Variants in PI4KA observed in about 807,000 individuals in gnomAD.
PI4KA encodes PI4-kinase alpha.
A neutral mutation model predicts 271.4 loss-of-function variants in PI4KA; 122 were observed. The observed-to-expected ratio is 0.45, with a 90% CI of 0.39 to 0.52. The LOEUF (loss-of-function observed/expected upper bound fraction) is 0.52, where lower values mean the gene tolerates loss of function less well. PI4KA is among the 20% of genes least tolerant of loss of function. The pLI is 0.00. For missense variants in PI4KA, 1,969 were observed against 2,769.1 expected (o/e 0.71, Z 6.48); for synonymous variants, 1,041 against 1,078.8 (o/e 0.96, Z 0.69).
chr22:20,795,874 G>A lies in PI4KA; in HGVS notation c.2277+272C>T, dbSNP rs75884406. 9.5e-3 allele frequency among the ~76,000 whole-genome samples: 1,451 copies of A among 152,236 alleles called. 12 individuals are homozygous for A. The highest frequency in any genetic ancestry group is 0.061 in the Middle Eastern group (18 of 294). On this transcript the variant is annotated intron_variant, in intron 18 of 54. Coordinates refer to ENST00000255882, the MANE Select transcript of PI4KA (RefSeq NM_058004.4). ...GGACAGAGAGAGGTGCCCGTGGGGA[G>A]CTGAGGCTAGACTGTTGTCATGTCA...
At chr22:20,803,435 G>A in intron 12 of PI4KA, 115 bp from the exon 13 acceptor site, 1 of 1,271,862 alleles carries the variant, frequency 7.9e-7, no homozygotes. Flanking sequence ...AACTTCGAAG[G>A]TCAAAGCTCC....
In PI4KA at chr22:20,726,506, C is replaced by T; in HGVS notation, c.4977G>A (p.Gln1659=). ...AILFYIPQIV[Q]ALRYDKMGYV... is the part of the protein sequence containing the mutation. ...GGCTTACCTTGTCGTACCTGAGGGC[C>T]TGCACAATCTGGGGGATGTAGAAGA... Residue 1659 remains glutamine, a synonymous_variant, in exon 42 of 55, where the codon CAG becomes CAA. Coordinates refer to ENST00000255882, the MANE Select transcript of PI4KA (RefSeq NM_058004.4). 1 of 1,577,262 alleles carries T rather than the reference C, an allele frequency of 6.3e-7. No individual in the cohort carries two copies. Among genetic ancestry groups the T allele is most frequent in the Non-Finnish European group, 8.6e-7 (1 of 1,166,296 alleles).
chr22:20,776,696 C>T (rs1416562527), intron 19 of PI4KA, among the ~76,000 whole-genome samples: 2 of 152,084 alleles, frequency 1.3e-5, no homozygotes, highest in South Asian at 2.1e-4. Flanking sequence ...CAACTTGGTT[C>T]GAATCTAGCC....
rs143404217 is a variant in PI4KA, at chr22:20,732,861, G to T, written c.4288+110C>A. On this transcript the variant is annotated intron_variant, in intron 36 of 54. Transcript: ENST00000255882. ...GCAACACAGCCAAGGCCAGGGCTCA[G>T]GGGGGTCTAACTGCTTTTCCGTCCC... 5.6e-6 allele frequency: 7 copies of T among 1,249,188 alleles called. No homozygotes were observed. In the African/African-American group the frequency reaches 7.4e-5, roughly 13 times the overall value. The allele number at this position is 1,249,188 out of a possible 1,614,324, so 77.4% of individuals were successfully genotyped here. A position where few individuals can be genotyped will look rare whatever the true frequency, so the allele number is the denominator to read the frequency against.
intron 4 of PI4KA, among the ~76,000 whole-genome samples, chr22:20,823,898 C>T (rs556695869): frequency 6.6e-6 from 1 of 152,164 alleles, no homozygotes; most frequent in Admixed American, 6.5e-5. Context: ...CAAGATTGCA[C>T]CACTGCACTC....
chr22:20,811,918 G>A (rs1320848519), intron 8 of PI4KA, among the ~76,000 whole-genome samples: 1 of 151,138 alleles, frequency 6.6e-6, no homozygotes, highest in South Asian at 2.1e-4. Context: ...GAGGCTGAGG[G>A]AGGAGAATGG....
chr22:20,819,597 C>T, intron 6 of PI4KA, 44 bp downstream of exon 6: 1 of 1,570,266 alleles, frequency 6.4e-7, no homozygotes. Flanking sequence ...GGGAGCTTAA[C>T]AGGGTCTTTC....
Position 20,832,718 on chromosome 22 carries a change from G to C in PI4KA, c.367+1844C>G, listed in dbSNP as rs557648010. Reference sequence around the variant, plus strand: ...GATCTACCCACCTTGGCCTCCCAAAGTGCAGAGATTACAGGTGTGAGCCAC... The same window carrying C: ...GATCTACCCACCTTGGCCTCCCAAACTGCAGAGATTACAGGTGTGAGCCAC... On this transcript the variant is annotated intron_variant, in intron 3 of 54. Transcript: ENST00000255882. Among the ~76,000 whole-genome samples, 21 of 152,292 alleles carry C rather than the reference G, an allele frequency of 1.4e-4. No individual in the cohort carries two copies. In the East Asian group the frequency reaches 3.7e-3, roughly 27 times the overall value.
chr22:20,856,468 CTT>C (rs1014551167), intron 1 of PI4KA, among the ~76,000 whole-genome samples: 37 of 139,506 alleles, frequency 2.7e-4, no homozygotes, highest in Non-Finnish European at 4.7e-4. Context: ...CAGTTTTGCT[CTT>C]GTCACCCAGG....
In PI4KA at chr22:20,775,503, G is replaced by A. The variant is rs8138153; in HGVS notation, c.2329-9810C>T. Among the ~76,000 whole-genome samples, 1,288 of 152,274 alleles carry A rather than the reference G, an allele frequency of 8.5e-3. 13 individuals are homozygous for A. Among genetic ancestry groups the A allele is most frequent in the African/African-American group, 0.029 (1,197 of 41,542 alleles). On this transcript the variant is annotated intron_variant, in intron 19 of 54. Coordinates refer to ENST00000255882, the MANE Select transcript of PI4KA (RefSeq NM_058004.4). ...TCCAAATATAACTTCTGAATACCGG[G>A]ATAAAACATGCATGTCTTTACTCTG...
intron 32 of PI4KA, among the ~76,000 whole-genome samples, chr22:20,739,434 C>T (rs983320909): frequency 2.0e-5 from 3 of 148,244 alleles, no homozygotes; most frequent in African/African-American, 5.0e-5. Flanking sequence ...AGGAATTTGA[C>T]GTCAGCCTGG....
chr22:20,710,091 G>A (rs1925051119), intron 52 of PI4KA, 94 bp from the exon 53 acceptor site: 9 of 710,246 alleles, frequency 1.3e-5, no homozygotes, highest in Non-Finnish European at 2.3e-5. Context: ...AACAGCCTCA[G>A]GTGTGGGCTC....
intron 11 of PI4KA, among the ~76,000 whole-genome samples, chr22:20,804,632 C>T (rs921720356): frequency 6.6e-6 from 1 of 152,178 alleles, no homozygotes; most frequent in Non-Finnish European, 1.5e-5. Context: ...CCATTCTACT[C>T]CTCCCCCAGA....
intron 11 of PI4KA, 151 bp from the exon 12 acceptor site, chr22:20,804,551 ACACT>A: frequency 1.6e-6 from 1 of 644,574 alleles, no homozygotes; most frequent in Non-Finnish European, 2.8e-6. Context: ...ACAGTGTGTG[ACACT>A]CTCTCTCTCT....
At chr22:20,780,205 A>C in intron 19 of PI4KA, 1 of 1,614,242 alleles carries the variant, frequency 6.2e-7, no homozygotes, top group Non-Finnish European at 8.5e-7. Flanking sequence ...TTCAAAGGTA[A>C]GAGGCACCTT....
At chr22:20,789,734 A>T (rs1016018258) in intron 19 of PI4KA, among the ~76,000 whole-genome samples, 1 of 152,214 alleles carries the variant, frequency 6.6e-6, no homozygotes, top group Non-Finnish European at 1.5e-5. Flanking sequence ...TTAACTGGGG[A>T]GCCTTGGGTA....
chr22:20,847,930 G>A (rs1430836489), intron 1 of PI4KA, among the ~76,000 whole-genome samples: 1 of 151,998 alleles, frequency 6.6e-6, no homozygotes, highest in Admixed American at 6.6e-5. Context: ...GATCAAAACA[G>A]TTACTATTGT....
At chr22:20,763,111 G>C (rs1932167179) in intron 22 of PI4KA, among the ~76,000 whole-genome samples, 1 of 151,552 alleles carries the variant, frequency 6.6e-6, no homozygotes, top group African/African-American at 2.4e-5. Flanking sequence ...AAAATGCTGG[G>C]ATTAGCCATT....
In PI4KA at chr22:20,776,100, T is replaced by A. The variant is rs1200386844; in HGVS notation, c.2329-10407A>T. On this transcript the variant is annotated intron_variant, in intron 19 of 54. Transcript: ENST00000255882. ...ACTTTGGGAGGCCAAGGCAGGAGAA[T>A]TGCCTGAGCTCAGGAGTTTGAGACC... is the stretch of plus-strand genomic sequence containing the variant. 7.2e-5 allele frequency among the ~76,000 whole-genome samples: 11 copies of A among 152,130 alleles called. No homozygotes were observed. In the East Asian group the frequency reaches 1.7e-3, roughly 24 times the overall value.
Sources: gnomAD v4.1 joint callset for allele counts (sites outside exome capture counted in the v4.1 genomes callset) on GRCh38, gnomAD v4.1.1 for gene constraint, MANE v1.5 for transcripts, NCBI Gene and HGNC (gene_info 2026-07-23, HGNC 2026-07-21) for gene names.